The following SUV39H2 variants were observed in gnomAD, a reference collection of about 807,000 sequenced individuals.
SUV39H2 encodes the protein histone-lysine N-methyltransferase SUV39H2.
SUV39H2 carries 10 observed loss-of-function variants against 47.5 expected under a neutral mutation model. That is an observed-to-expected ratio of 0.21 (90% confidence interval 0.13 to 0.36). SUV39H2 has a LOEUF of 0.36. Among genes scored for constraint, SUV39H2 ranks in the 10% least tolerant of loss-of-function variants. The probability of loss-of-function intolerance (pLI) is 1.00; values close to 1 mark genes in which losing one functional copy is unlikely to be tolerated. For synonymous variants in SUV39H2, 159 were observed against 166.8 expected, an observed-to-expected ratio of 0.95 and a Z score of 0.36; for missense variants, 266 against 487.4, an observed-to-expected ratio of 0.55 and a Z score of 4.28.
intron 2 of SUV39H2, among the ~76,000 whole-genome samples, chr10:14,882,406 C>T (rs1220159263): frequency 2.0e-5 from 3 of 152,172 alleles, no homozygotes; most frequent in Non-Finnish European, 4.4e-5. Flanking sequence ...CTTTCAAGTT[C>T]TTTAGTATCA....
At chr10:14,887,708 G>A (rs1345600211) in intron 2 of SUV39H2, among the ~76,000 whole-genome samples, 1 of 152,200 alleles carries the variant, frequency 6.6e-6, no homozygotes, top group Non-Finnish European at 1.5e-5. Context: ...AGCAATGACT[G>A]ATGTGAGGGT....
intron 2 of SUV39H2, among the ~76,000 whole-genome samples, chr10:14,884,717 T>G (rs1232383357): frequency 6.6e-6 from 1 of 152,228 alleles, no homozygotes; most frequent in Non-Finnish European, 1.5e-5. Flanking sequence ...TTTTCCCCAT[T>G]TAACACTGTT....
At chr10:14,879,328 G>T (rs1289131703) in intron 1 of SUV39H2, among the ~76,000 whole-genome samples, 1 of 152,218 alleles carries the variant, frequency 6.6e-6, no homozygotes, top group Non-Finnish European at 1.5e-5. Flanking sequence ...ATGCGCCCGG[G>T]CCTTTGAAGT....
chr10:14,880,155 A>G (rs914510535), intron 1 of SUV39H2: 6 of 152,158 alleles, frequency 3.9e-5, no homozygotes, highest in African/African-American at 1.4e-4. Flanking sequence ...CTACCCCCAA[A>G]CGACCACTAC....
intron 3 of SUV39H2, 26 bp downstream of exon 3, chr10:14,897,543 A>G (rs948060331): frequency 1.3e-6 from 2 of 1,485,360 alleles, no homozygotes; most frequent in East Asian, 4.6e-5. Flanking sequence ...CACGTAGTAA[A>G]TGATGGACAT....
intron 1 of SUV39H2, chr10:14,880,199 G>A (rs142619235): frequency 3.1e-4 from 47 of 152,328 alleles, no homozygotes; most frequent in African/African-American, 1.1e-3. Context: ...ACGTTTTCTG[G>A]AGGAAAATAC....
rs1235096389 is a variant in SUV39H2 at position 14,890,570 on chromosome 10, C to G, written c.178-6276C>G. ...ACCACATGCTGCTAATTTGTAGAGA[C>G]AAGGTCTCACTATATTGTCCAGGCT... On this transcript the variant is annotated intron_variant, in intron 2 of 5. Transcript: ENST00000354919. Among the ~76,000 whole-genome samples, 6 of 152,300 alleles carry G rather than the reference C, an allele frequency of 3.9e-5. No homozygotes were observed. In the East Asian group the frequency reaches 9.6e-4, roughly 24 times the overall value.
intron 3 of SUV39H2, chr10:14,898,213 T>C (rs1044274633): frequency 7.1e-6 from 1 of 140,150 alleles, no homozygotes; most frequent in East Asian, 2.0e-4. Context: ...TTTTTTTTTT[T>C]TTTTTTTTTT....
At chr10:14,888,357 C>T (rs1322663511) in intron 2 of SUV39H2, among the ~76,000 whole-genome samples, 3 of 151,998 alleles carry the variant, frequency 2.0e-5, no homozygotes, top group Non-Finnish European at 2.9e-5. Context: ...AAGAGTTGGC[C>T]GGGCGCAGTG....
In SUV39H2 at chr10:14,903,316, C is replaced by T. The variant is rs41284455; in HGVS notation, c.*804C>T. The T allele has an allele frequency of 0.015, 2,207 of 152,162 alleles. 38 individuals carry two copies. The highest frequency in any genetic ancestry group is 0.034 in the Middle Eastern group (10 of 294). The allele number at this position is 152,162 out of a possible 1,614,324, so 9.4% of individuals were successfully genotyped here. A position where few individuals can be genotyped will look rare whatever the true frequency, so the allele number is the denominator to read the frequency against. On this transcript the variant is annotated 3_prime_UTR_variant, in exon 6 of 6. Transcript: ENST00000354919. Reference sequence around the variant, plus strand: ...CAAGGGGAATGGAGCACTTTAAGGGCGCCTGTTAGTAACATGAATTGGAAA... The same window carrying T: ...CAAGGGGAATGGAGCACTTTAAGGGTGCCTGTTAGTAACATGAATTGGAAA...
intron 1 of SUV39H2, chr10:14,879,234 C>T: frequency 1.5e-6 from 1 of 680,026 alleles, no homozygotes; most frequent in East Asian, 5.2e-5. Flanking sequence ...GCTTCGAGGC[C>T]GCTCCCCGGC....
At chr10:14,900,534 G>A (rs1181073939) in intron 4 of SUV39H2, among the ~76,000 whole-genome samples, 3 of 152,088 alleles carry the variant, frequency 2.0e-5, no homozygotes, top group South Asian at 2.1e-4. Flanking sequence ...TGATAAATTC[G>A]AGATACTCTC....
chr10:14,879,651 C>T (rs184951716), intron 1 of SUV39H2, among the ~76,000 whole-genome samples: 26 of 152,150 alleles, frequency 1.7e-4, no homozygotes, highest in African/African-American at 6.3e-4. Context: ...GTTGGTGTCG[C>T]GCACGCTTTG....
At chr10:14,896,579 A>C (rs1458600193) in intron 2 of SUV39H2, among the ~76,000 whole-genome samples, 1 of 152,186 alleles carries the variant, frequency 6.6e-6, no homozygotes, top group Admixed American at 6.5e-5. Context: ...CAGTTTCAGT[A>C]CCTTTGTCTT....
intron 2 of SUV39H2, among the ~76,000 whole-genome samples, chr10:14,887,890 C>T (rs1242947912): frequency 1.3e-5 from 2 of 152,024 alleles, no homozygotes; most frequent in Non-Finnish European, 2.9e-5. Context: ...CAACTTAGTA[C>T]TAAAGGAAGA....
At chr10:14,891,876 C>T (rs1833400470) in intron 2 of SUV39H2, among the ~76,000 whole-genome samples, 1 of 152,288 alleles carries the variant, frequency 6.6e-6, no homozygotes, top group Non-Finnish European at 1.5e-5. Context: ...TTAGTTAAAA[C>T]TCTGGGGTGA....
chr10:14,901,324 A>G, intron 5 of SUV39H2, 62 bp downstream of exon 5: 1 of 1,600,682 alleles, frequency 6.2e-7, no homozygotes, highest in Non-Finnish European at 8.5e-7. Context: ...AAATCAGACT[A>G]GGAACAGACC....
At chr10:14,892,073 C>G (rs866362329) in intron 2 of SUV39H2, among the ~76,000 whole-genome samples, 2 of 152,144 alleles carry the variant, frequency 1.3e-5, no homozygotes, top group African/African-American at 2.4e-5. Flanking sequence ...CTGAGTGTCT[C>G]CATCGTGTAA....
intron 3 of SUV39H2, chr10:14,899,213 A>G (rs764568568): frequency 4.3e-6 from 3 of 702,156 alleles, no homozygotes; most frequent in South Asian, 3.0e-5. Flanking sequence ...CCAGCTAGTC[A>G]GGAGGCTGAG....
Sources: gnomAD v4.1 joint callset for allele counts (sites outside exome capture counted in the v4.1 genomes callset) on GRCh38, gnomAD v4.1.1 for gene constraint, MANE v1.5 for transcripts, NCBI Gene and HGNC (gene_info 2026-07-23, HGNC 2026-07-21) for gene names.